RPGRIP1L: variants seen among roughly 807,000 people sequenced by gnomAD.
The protein encoded by RPGRIP1L is protein fantom.
RPGRIP1L carries 131 observed loss-of-function variants against 160.4 expected under a neutral mutation model. The ratio of observed to expected loss-of-function variants is 0.82; its 90% CI spans 0.71 to 0.94. The LOEUF (loss-of-function observed/expected upper bound fraction) is 0.94, where lower values mean the gene tolerates loss of function less well. RPGRIP1L is among the 40% of genes least tolerant of loss of function. The pLI is 0.00. For missense variants in RPGRIP1L, 1,522 were observed against 1,535.8 expected (o/e 0.99, Z 0.15); for synonymous variants, 510 against 515.8 (o/e 0.99, Z 0.15).
chr16:53,690,635 T>C (rs1970321259), intron 4 of RPGRIP1L, among the ~76,000 whole-genome samples: 1 of 152,174 alleles, frequency 6.6e-6, no homozygotes, highest in Non-Finnish European at 1.5e-5. Context: ...AACATTATTT[T>C]TATTTAGTAT....
At position 53,618,407 on chromosome 16, in the gene RPGRIP1L, T is replaced by C. The variant is rs367822625; in HGVS notation, c.3616+618A>G. Among the ~76,000 whole-genome samples, 15 of 152,350 alleles carry C rather than the reference T, an allele frequency of 9.8e-5. No individual in the cohort carries two copies. The East Asian group carries it at 1.9e-3, about 20-fold the overall frequency. On this transcript the variant is annotated intron_variant, in intron 24 of 26. Coordinates refer to ENST00000647211, the MANE Select transcript of RPGRIP1L (RefSeq NM_015272.5). ...ATGACTTCTTTGAAAGATATTTCTT[T>C]GAAATATCATATATTTAAATTAAAT...
intron 22 of RPGRIP1L, among the ~76,000 whole-genome samples, chr16:53,630,022 T>C (rs1418225474): frequency 6.6e-6 from 1 of 150,968 alleles, no homozygotes; most frequent in Non-Finnish European, 1.5e-5. Flanking sequence ...TAAAAATATA[T>C]ATATAGACCT....
rs1964796183 is a variant in RPGRIP1L at position 53,622,464 on chromosome 16, C to A, written c.3295-108G>T. 4.2e-5 allele frequency: 22 copies of A among 528,524 alleles called. No individual in the cohort carries two copies. In the South Asian group the frequency reaches 6.0e-4, roughly 14 times the overall value. 32.7% of individuals were successfully genotyped at this position (528,524 alleles called of 1,614,324 possible). ...AATGAACTCATTCCCTCTCCTCTCCCCCAATCCTATTCATACTGTGTTATT... is the reference window on the plus strand; with the variant it reads ...AATGAACTCATTCCCTCTCCTCTCCACCAATCCTATTCATACTGTGTTATT... On this transcript the variant is annotated intron_variant, in intron 22 of 26. Transcript: ENST00000647211.
intron 6 of RPGRIP1L, among the ~76,000 whole-genome samples, chr16:53,685,181 G>T (rs1029870146): frequency 6.6e-6 from 1 of 152,106 alleles, no homozygotes; most frequent in Non-Finnish European, 1.5e-5. Context: ...TCTCACACCA[G>T]TGAGACTGGC....
rs144554139 is a variant in RPGRIP1L at position 53,600,431 on chromosome 16, T to G, written c.*1645A>C. 3 of 152,722 alleles carry G rather than the reference T, an allele frequency of 2.0e-5. No individual in the cohort carries two copies. Among genetic ancestry groups the G allele is most frequent in the Non-Finnish European group, 4.4e-5 (3 of 68,040 alleles). 9.5% of individuals were successfully genotyped at this position (152,722 alleles called of 1,614,324 possible). A position where few individuals can be genotyped will look rare whatever the true frequency, so the allele number is the denominator to read the frequency against. ...TGTTATGAAGATTTGCAGAGTTGGA[T>G]GAGAGCAAGATTCTTCTCGGAGATG... On this transcript the variant is annotated 3_prime_UTR_variant, in exon 27 of 27. Transcript: ENST00000647211.
rs776074152 is a variant in RPGRIP1L, at chr16:53,602,146, C to G, written c.3878G>C (p.Arg1293Thr). The G allele has an allele frequency of 2.5e-6, 4 of 1,613,996 alleles. No homozygotes were observed. The Admixed American group carries it at 6.7e-5, about 27-fold the overall frequency. Residue 1293 changes from arginine to threonine, a missense_variant, in exon 27 of 27, where the codon AGG becomes ACG. By Grantham distance (71) the Arg-to-Thr change is moderately conservative. Coordinates refer to ENST00000647211, the MANE Select transcript of RPGRIP1L (RefSeq NM_015272.5). ...RADGEGIGKL[R>T]VTVEALHALQ... is the part of the protein sequence containing the mutation. ...GGCATGGAGAGCTTCGACTGTTACC[C>G]TGAGCTTGCCAATACCTTCACCATC...
At chr16:53,636,619 C>T (rs1227337105) in intron 21 of RPGRIP1L, 107 bp from the exon 22 acceptor site, 2 of 744,058 alleles carry the variant, frequency 2.7e-6, no homozygotes, top group Admixed American at 2.3e-5. Flanking sequence ...CCTTAAGAAA[C>T]ATGGTAATTA....
chr16:53,695,802 T>A (rs1970710191), intron 3 of RPGRIP1L: 1 of 327,250 alleles, frequency 3.1e-6, no homozygotes, highest in Non-Finnish European at 5.6e-6. Context: ...TTAGTTACTT[T>A]TTAAAACTTT....
rs148472691 is a variant in RPGRIP1L, at chr16:53,624,525, C to T, written c.3295-2169G>A. 8.1e-3 allele frequency among the ~76,000 whole-genome samples: 1,226 copies of T among 151,092 alleles called. 8 individuals carry two copies. The highest frequency in any genetic ancestry group is 0.011 in the Non-Finnish European group (772 of 67,868). ...CGCCACTGCACTCCAGTCTAGGTGA[C>T]AGAGCGAGACTCCACCTAAAAAAAA... On this transcript the variant is annotated intron_variant, in intron 22 of 26. Coordinates refer to ENST00000647211, the MANE Select transcript of RPGRIP1L (RefSeq NM_015272.5).
At chr16:53,660,221 C>T (rs1365811984) in intron 10 of RPGRIP1L, among the ~76,000 whole-genome samples, 1 of 152,054 alleles carries the variant, frequency 6.6e-6, no homozygotes, top group Non-Finnish European at 1.5e-5. Flanking sequence ...TTGTTGACTC[C>T]CTGTGGACTA....
intron 22 of RPGRIP1L, among the ~76,000 whole-genome samples, chr16:53,631,543 G>T (rs892449739): frequency 1.3e-5 from 2 of 152,148 alleles, no homozygotes; most frequent in African/African-American, 4.8e-5. Flanking sequence ...AAGATGGATT[G>T]TTAATTTTTT....
intron 19 of RPGRIP1L, among the ~76,000 whole-genome samples, chr16:53,639,748 G>C (rs547427902): frequency 4.6e-5 from 7 of 152,144 alleles, no homozygotes; most frequent in Admixed American, 2.6e-4. Context: ...GTTGTTGTGA[G>C]GATTAAATGA....
chr16:53,605,341 A>G (rs1210792226), intron 26 of RPGRIP1L, 140 bp downstream of exon 26: 4 of 920,608 alleles, frequency 4.3e-6, no homozygotes, highest in Non-Finnish European at 5.3e-6. Flanking sequence ...CAGCTTCACC[A>G]AAGCGTCAAC....
In RPGRIP1L at chr16:53,599,601, C is replaced by T. The variant is rs1364554826; in HGVS notation, c.*2475G>A. The T allele has an allele frequency of 6.6e-6, 1 of 152,214 alleles. No individual in the cohort carries two copies. The highest frequency in any genetic ancestry group is 1.5e-5 in the Non-Finnish European group (1 of 68,046). The allele number at this position is 152,214 out of a possible 1,614,324, so 9.4% of individuals were successfully genotyped here. Reference sequence around the variant, plus strand: ...AAGAAGTGTATGTTCACACCAGCAACACCTTAAGCTGGTATCTGTGTGGCA... The same window carrying T: ...AAGAAGTGTATGTTCACACCAGCAATACCTTAAGCTGGTATCTGTGTGGCA... On this transcript the variant is annotated 3_prime_UTR_variant, in exon 27 of 27. Coordinates refer to ENST00000647211, the MANE Select transcript of RPGRIP1L (RefSeq NM_015272.5).
At chr16:53,644,655 A>G (rs558481372) in intron 17 of RPGRIP1L, among the ~76,000 whole-genome samples, 2 of 152,372 alleles carry the variant, frequency 1.3e-5, no homozygotes, top group Non-Finnish European at 2.9e-5. Flanking sequence ...GCCAGAAGTA[A>G]GTGGTCTGAT....
At position 53,664,911 on chromosome 16, in the gene RPGRIP1L, G is replaced by A. The variant is rs1172509858; in HGVS notation, c.1202C>T (p.Thr401Ile). Residue 401 changes from threonine to isoleucine, a missense_variant, in exon 10 of 27, where the codon ACA becomes ATA. Thr to Ile is a moderately conservative substitution (Grantham distance 89). Transcript: ENST00000647211. ...TCTGTCAAGGATTTCAGTTTTGTCT[G>A]TTAAGTCAGACTTCAAGGCAGTCTC... ...QLETALKSDL[T>I]DKTEILDRLK... is the part of the protein sequence containing the mutation. The A allele has an allele frequency of 6.2e-7, 1 of 1,612,734 alleles. No homozygotes were observed. The highest frequency in any genetic ancestry group is 1.7e-5 in the Admixed American group (1 of 60,004).
At chr16:53,678,002 G>C (rs1969316036) in intron 6 of RPGRIP1L, among the ~76,000 whole-genome samples, 2 of 152,120 alleles carry the variant, frequency 1.3e-5, no homozygotes, top group African/African-American at 4.8e-5. Flanking sequence ...ATTACACATG[G>C]TGAAATGATC....
At chr16:53,622,933 G>A (rs923601966) in intron 22 of RPGRIP1L, among the ~76,000 whole-genome samples, 7 of 151,942 alleles carry the variant, frequency 4.6e-5, no homozygotes, top group Admixed American at 2.0e-4. Context: ...TGAGAGGTTG[G>A]GGCTGTAGGG....
chr16:53,653,424 G>T, intron 14 of RPGRIP1L: 1 of 767,650 alleles, frequency 1.3e-6, no homozygotes, highest in Non-Finnish European at 1.6e-6. Flanking sequence ...TGATGGATAA[G>T]TTTATTATCC....
Sources: allele counts gnomAD v4.1 joint callset (sites outside exome capture counted in the v4.1 genomes callset), GRCh38; gene constraint gnomAD v4.1.1; transcripts MANE v1.5; gene names NCBI Gene and HGNC (gene_info 2026-07-23, HGNC 2026-07-21).